The following LRP1B variants were observed in gnomAD, a reference collection of about 807,000 sequenced individuals.
LRP1B encodes the protein LDL receptor related protein 1B, also known as low-density lipoprotein receptor-related protein 1B.
Under a neutral mutation model 556.6 loss-of-function variants are expected in LRP1B, and 217 were observed. The observed-to-expected ratio is 0.39, with a 90% CI of 0.35 to 0.44. The LOEUF is 0.44. LRP1B is among the 20% of genes least tolerant of loss of function. The pLI is 1.00. For missense variants in LRP1B, 5,053 were observed against 5,620.8 expected (o/e 0.90, Z 3.23); for synonymous variants, 2,047 against 1,865.8 (o/e 1.10, Z -2.50).
chr2:140,318,666 T>C (rs1347141117), intron 82 of LRP1B, among the ~76,000 whole-genome samples: 1 of 152,042 alleles, frequency 6.6e-6, no homozygotes, highest in Non-Finnish European at 1.5e-5. Context: ...ACTCTGGAAA[T>C]GGGTACTCTG....
chr2:141,966,837 A>G (rs1172783101), intron 1 of LRP1B, among the ~76,000 whole-genome samples: 1 of 151,886 alleles, frequency 6.6e-6, no homozygotes, highest in African/African-American at 2.4e-5. Flanking sequence ...CTCGCTGGAT[A>G]CATTCAATTT....
intron 49 of LRP1B, among the ~76,000 whole-genome samples, chr2:140,518,138 C>T (rs796916586): frequency 2.6e-5 from 4 of 152,146 alleles, no homozygotes; most frequent in African/African-American, 9.6e-5. Context: ...CTATAATGGT[C>T]TATTATGGCT....
chr2:141,895,535 G>A (rs552062059), intron 1 of LRP1B, among the ~76,000 whole-genome samples: 2 of 152,276 alleles, frequency 1.3e-5, no homozygotes, highest in South Asian at 4.1e-4. Flanking sequence ...TTCCTGAATA[G>A]CAGAACATTA....
chr2:141,125,844 C>CAAAAAAAAAAA lies in LRP1B; in HGVS notation c.1013+62566_1013+62576dup, dbSNP rs386391362. On this transcript the variant is annotated intron_variant, in intron 7 of 90. Transcript: ENST00000389484. ...TCTTGTCTGTAACTCCTTTCAAATG[C>CAAAAAAAAAAA]AAAAAAAAAAAAAAAAACAAAAAAC... Among the ~76,000 whole-genome samples, 76 of 102,012 alleles carry CAAAAAAAAAAA rather than the reference C, an allele frequency of 7.5e-4. 1 individual carries two copies. The highest frequency in any genetic ancestry group is 9.7e-4 in the Non-Finnish European group (53 of 54,374). The allele number at this position is 102,012 out of a possible 152,430, so 66.9% of individuals were successfully genotyped here.
chr2:140,997,154 T>C (rs1307123544), intron 15 of LRP1B, among the ~76,000 whole-genome samples: 1 of 152,062 alleles, frequency 6.6e-6, no homozygotes, highest in Admixed American at 6.6e-5. Context: ...GGATCAAAAG[T>C]AAAATAACAT....
At chr2:141,991,132 A>T (rs1702332025) in intron 1 of LRP1B, among the ~76,000 whole-genome samples, 1 of 152,016 alleles carries the variant, frequency 6.6e-6, no homozygotes. Flanking sequence ...TTCCTTAAAC[A>T]CTTAGTTACA....
At chr2:140,832,139 A>ATT (rs144987231) in intron 31 of LRP1B, among the ~76,000 whole-genome samples, 1 of 151,668 alleles carries the variant, frequency 6.6e-6, no homozygotes, top group East Asian at 1.9e-4. Flanking sequence ...CTTATATATG[A>ATT]TTTTTTTTTC....
At chr2:141,813,112 T>C (rs1476416855) in intron 1 of LRP1B, among the ~76,000 whole-genome samples, 1 of 152,176 alleles carries the variant, frequency 6.6e-6, no homozygotes, top group Non-Finnish European at 1.5e-5. Context: ...GCAACACATA[T>C]TATTGAACTT....
intron 46 of LRP1B, among the ~76,000 whole-genome samples, chr2:140,535,947 G>C (rs950486711): frequency 2.6e-5 from 4 of 152,046 alleles, no homozygotes; most frequent in African/African-American, 4.8e-5. Flanking sequence ...GCTAATCCTG[G>C]AGACAGAAAT....
chr2:140,956,160 A>G (rs1156699192), intron 18 of LRP1B, among the ~76,000 whole-genome samples: 2 of 151,776 alleles, frequency 1.3e-5, no homozygotes, highest in Non-Finnish European at 3.0e-5. Context: ...AGCTGTAGAT[A>G]TATTACCAAT....
chr2:140,789,618 C>CTTTTTTTTTTTTTTTTTT (rs756120273), intron 32 of LRP1B, among the ~76,000 whole-genome samples: 1 of 71,754 alleles, frequency 1.4e-5, no homozygotes, highest in Non-Finnish European at 2.6e-5. Flanking sequence ...GCTTTAAGGA[C>CTTTTTTTTTTTTTTTTTT]TTTTTTTTTT....
At chr2:141,482,672 T>C (rs1253992643) in intron 2 of LRP1B, among the ~76,000 whole-genome samples, 3 of 152,048 alleles carry the variant, frequency 2.0e-5, no homozygotes, top group East Asian at 3.9e-4. Context: ...TAAAGACACA[T>C]ACATTAATAT....
intron 55 of LRP1B, among the ~76,000 whole-genome samples, chr2:140,498,796 G>A (rs933560891): frequency 2.6e-5 from 4 of 151,714 alleles, no homozygotes; most frequent in Non-Finnish European, 5.9e-5. Context: ...ATATATACAT[G>A]TGTATGTATA....
chr2:140,810,733 G>A (rs1308632146), intron 32 of LRP1B, among the ~76,000 whole-genome samples: 5 of 151,982 alleles, frequency 3.3e-5, no homozygotes, highest in Non-Finnish European at 7.4e-5. Flanking sequence ...AAGGCATTAC[G>A]AGGTTTTTTG....
intron 2 of LRP1B, among the ~76,000 whole-genome samples, chr2:141,558,449 C>T (rs1025722087): frequency 5.9e-5 from 9 of 151,860 alleles, no homozygotes; most frequent in South Asian, 4.2e-4. Flanking sequence ...AATCAAATCA[C>T]ATTCAGTACC....
intron 1 of LRP1B, among the ~76,000 whole-genome samples, chr2:142,056,451 A>G (rs1374293764): frequency 6.6e-6 from 1 of 152,108 alleles, no homozygotes; most frequent in Non-Finnish European, 1.5e-5. Context: ...TTATCATTAA[A>G]ATTTGGAAAG....
chr2:140,722,857 CA>C (rs1301569140), intron 35 of LRP1B, among the ~76,000 whole-genome samples: 1 of 152,122 alleles, frequency 6.6e-6, no homozygotes, highest in African/African-American at 2.4e-5. Context: ...TCCTGGCTAA[CA>C]TGGTGAAACT....
chr2:140,912,355 T>G (rs1042604710), intron 21 of LRP1B, among the ~76,000 whole-genome samples: 7 of 151,696 alleles, frequency 4.6e-5, no homozygotes, highest in African/African-American at 1.7e-4. Context: ...TGAACAAATA[T>G]CACAGATTTC....
chr2:141,826,464 A>G (rs1294949722), intron 1 of LRP1B, among the ~76,000 whole-genome samples: 1 of 139,826 alleles, frequency 7.2e-6, no homozygotes, highest in African/African-American at 2.7e-5. Context: ...GGTTCACGCC[A>G]TTCTCCTGCC....
Sources: allele counts gnomAD v4.1 joint callset (sites outside exome capture counted in the v4.1 genomes callset), GRCh38; gene constraint gnomAD v4.1.1; transcripts MANE v1.5; gene names NCBI Gene and HGNC (gene_info 2026-07-23, HGNC 2026-07-21).